The following PHF2 variants were observed in gnomAD, a reference collection of about 807,000 sequenced individuals.
PHF2 encodes lysine-specific demethylase PHF2.
Under a neutral mutation model 120.5 loss-of-function variants are expected in PHF2, and 27 were observed. That is an observed-to-expected ratio of 0.22 (90% CI 0.17 to 0.31). The LOEUF (loss-of-function observed/expected upper bound fraction) is 0.31, where lower values mean the gene tolerates loss of function less well. Ranked by LOEUF, PHF2 falls within the 10% of genes least tolerant of loss-of-function variation. The pLI, the probability that PHF2 is intolerant of heterozygous loss-of-function variation, is 1.00. For missense variants in PHF2, 1,024 were observed against 1,434.8 expected (o/e 0.71, Z 4.63); for synonymous variants, 568 against 592.5 (o/e 0.96, Z 0.60).
intron 17 of PHF2, among the ~76,000 whole-genome samples, chr9:93,668,156 A>G (rs1826716453): frequency 6.6e-6 from 1 of 152,230 alleles, no homozygotes; most frequent in African/African-American, 2.4e-5. Context: ...TTCATGTAAT[A>G]TTGATCAGAA....
intron 16 of PHF2, 81 bp downstream of exon 16, chr9:93,666,141 G>T: frequency 6.9e-7 from 1 of 1,458,570 alleles, no homozygotes; most frequent in East Asian, 2.3e-5. Context: ...GTGACTCCAG[G>T]GCGGTCTCTG....
chr9:93,612,251 A>G (rs77902674), intron 1 of PHF2, among the ~76,000 whole-genome samples: 17 of 152,338 alleles, frequency 1.1e-4, no homozygotes, highest in Admixed American at 1.1e-3. Context: ...CCACGTATCT[A>G]TGGGGAGAGG....
intron 1 of PHF2, among the ~76,000 whole-genome samples, chr9:93,607,441 T>A (rs1408948004): frequency 7.3e-4 from 2 of 2,728 alleles, no homozygotes; most frequent in African/African-American, 1.7e-3. Flanking sequence ...CCTGGCTAAT[T>A]TTTTTTTTTT....
intron 3 of PHF2, among the ~76,000 whole-genome samples, chr9:93,643,992 G>A (rs1351458372): frequency 1.3e-5 from 2 of 152,012 alleles, no homozygotes; most frequent in Non-Finnish European, 2.9e-5. Context: ...ATGGTGCCCT[G>A]AGCCTCCTGA....
chr9:93,639,575 C>A (rs1826143977), intron 3 of PHF2, among the ~76,000 whole-genome samples: 1 of 151,896 alleles, frequency 6.6e-6, no homozygotes, highest in African/African-American at 2.4e-5. Context: ...ATTTTTCTTA[C>A]CTAATTGCTC....
At position 93,660,483 on chromosome 9, in the gene PHF2, A is replaced by G; in HGVS notation, c.1621A>G (p.Thr541Ala). Residue 541 changes from threonine to alanine, a missense_variant, in exon 12 of 22, where the codon ACC (threonine) becomes GCC (alanine). By Grantham distance (58) the Thr-to-Ala change is moderately conservative (BLOSUM62 0). This residue lies in a region of PHF2 where 677 missense variants were observed against 857.4 expected (regional missense o/e 0.79). Transcript: ENST00000359246. The part of the protein sequence containing the change: ...GKKSRESASP[T>A]IPNLDLLEAH... The stretch of plus-strand genomic sequence containing the variant: ...GAAGTCCCGGGAGTCAGCCTCACCC[A>G]CCATCCCCAACCTGGACCTGCTCGA... The G allele has an allele frequency of 1.3e-6, 2 of 1,569,196 alleles. No homozygotes were observed. Among genetic ancestry groups the G allele is most frequent in the Non-Finnish European group, 1.7e-6 (2 of 1,160,290 alleles).
Position 93,624,364 on chromosome 9 carries a change from ATGG to A in PHF2, c.99-5603_99-5601del, listed in dbSNP as rs567353783. On this transcript the variant is annotated intron_variant, in intron 1 of 21. Transcript: ENST00000359246. ...TAATGATGGTGTAGCATTGTTGGTG[ATGG>A]TGATGAAAATGATGGTGATGAGGGT... is the stretch of plus-strand genomic sequence containing the variant. Among the ~76,000 whole-genome samples the A allele has an allele frequency of 1.9e-3, 291 of 151,856 alleles. 2 individuals are homozygous for A. The highest frequency in any genetic ancestry group is 6.7e-3 in the African/African-American group (276 of 41,346).
At chr9:93,621,164 G>A (rs1825819163) in intron 1 of PHF2, among the ~76,000 whole-genome samples, 1 of 152,238 alleles carries the variant, frequency 6.6e-6, no homozygotes, top group South Asian at 2.1e-4. Flanking sequence ...CCTGTGGAGG[G>A]TCTACTTCCT....
chr9:93,611,005 G>A (rs1199101190), intron 1 of PHF2, among the ~76,000 whole-genome samples: 12 of 152,166 alleles, frequency 7.9e-5, no homozygotes, highest in East Asian at 1.9e-4. Context: ...GTCTTCTTTC[G>A]GATACTGTGA....
chr9:93,656,004 T>C lies in PHF2; in HGVS notation c.1023T>C (p.Ser341=), dbSNP rs1826452936. ...CGGGACATTTCCTCCACAGCCTGAG[T>C]GTGGAGATGCAGATGAGGTAGTGCC... ...AFAGHFLHSL[S]VEMQMRAYEV... is the part of the protein sequence containing the mutation. The change falls in exon 8 of 22, where the codon AGT becomes AGC. Residue 341 remains serine (S), a synonymous_variant. Coordinates refer to ENST00000359246, the MANE Select transcript of PHF2 (RefSeq NM_005392.4). This position sits in a 1 kb window ranked among gnomAD's most constrained non-coding sequence, Gnocchi z 4.1. 1 of 1,612,272 alleles carries C rather than the reference T, an allele frequency of 6.2e-7. No individual in the cohort carries two copies. Among genetic ancestry groups the C allele is most frequent in the Non-Finnish European group, 8.5e-7 (1 of 1,179,492 alleles).
chr9:93,615,013 ATGATGG>A (rs1825701186), intron 1 of PHF2, among the ~76,000 whole-genome samples: 1 of 150,738 alleles, frequency 6.6e-6, no homozygotes, highest in African/African-American at 2.4e-5. Context: ...GATGATAGTA[ATGATGG>A]TGATGGTGAT....
At chr9:93,659,804 T>C (rs1455809804) in intron 11 of PHF2, among the ~76,000 whole-genome samples, 1 of 152,204 alleles carries the variant, frequency 6.6e-6, no homozygotes, top group Non-Finnish European at 1.5e-5. Flanking sequence ...GTCTGTGTCC[T>C]GGTGTGAGTG....
At chr9:93,578,332 C>G (rs1862872018) in intron 1 of PHF2, among the ~76,000 whole-genome samples, 1 of 152,158 alleles carries the variant, frequency 6.6e-6, no homozygotes, top group Non-Finnish European at 1.5e-5. Flanking sequence ...ACACCGGGCT[C>G]TGCCCAGAAC....
chr9:93,676,586 G>T lies in PHF2; in HGVS notation c.2833-8G>T. 6.3e-7 allele frequency: 1 copy of T among 1,586,092 alleles called. No homozygotes were observed. Among genetic ancestry groups the T allele is most frequent in the Non-Finnish European group, 8.6e-7 (1 of 1,162,246 alleles). On this transcript the variant is annotated splice_region_variant and splice_polypyrimidine_tract_variant and intron_variant, in intron 20 of 21. Coordinates refer to ENST00000359246, the MANE Select transcript of PHF2 (RefSeq NM_005392.4). ...CGTCTGAGGCTGCCCTGCATGTTTT[G>T]TTCAAAGGAGGAGCAGAAAAGCAAG...
chr9:93,591,044 C>G (rs532672961), intron 1 of PHF2, among the ~76,000 whole-genome samples: 7 of 152,340 alleles, frequency 4.6e-5, no homozygotes, highest in Admixed American at 4.6e-4. Context: ...ACTGCTGTGA[C>G]CCTCCGAGGG....
rs1197527782 is a variant in PHF2 at position 93,676,703 on chromosome 9, C to T, written c.2942C>T (p.Thr981Ile). The stretch of plus-strand genomic sequence containing the variant: ...TCTGCCGGCACCACCTCCACCTCCA[C>T]CACGCCAGCCTCTACCACCCCGGCC... The part of the protein sequence containing the change: ...SISAGTTSTS[T>I]TPASTTPAST... Residue 981 changes from threonine (T) to isoleucine (I), a missense_variant, in exon 21 of 22, where the codon ACC becomes ATC. By Grantham distance (89) the Thr-to-Ile change is moderately conservative. Around this residue, in one of 2 missense-constraint regions of PHF2, gnomAD observed 677 missense variants for 857.4 expected, o/e 0.79. Transcript: ENST00000359246. The T allele has an allele frequency of 1.3e-5, 21 of 1,563,434 alleles. No individual in the cohort carries two copies. Among genetic ancestry groups the T allele is most frequent in the Non-Finnish European group, 1.8e-5 (21 of 1,154,768 alleles).
chr9:93,664,871 C>T (rs1048453448), intron 14 of PHF2, among the ~76,000 whole-genome samples: 1 of 152,246 alleles, frequency 6.6e-6, no homozygotes, highest in Admixed American at 6.5e-5. Context: ...GCAGCGGGCT[C>T]GCCGCCCCTT....
At position 93,656,577 on chromosome 9, in the gene PHF2, C is replaced by T; in HGVS notation, c.1129C>T (p.Leu377=). 1.2e-6 allele frequency: 2 copies of T among 1,612,974 alleles called. No individual in the cohort carries two copies. The highest frequency in any genetic ancestry group is 1.7e-6 in the Non-Finnish European group (2 of 1,179,196). The change falls in exon 9 of 22, where the codon CTG becomes TTG. Residue 377 remains leucine (L), a synonymous_variant. Transcript: ENST00000359246. The surrounding 1 kb of genome is among the most constrained non-coding windows in gnomAD (Gnocchi z 4.1). The part of the protein sequence containing the change: ...ETACWYMGKH[L]LEAFKGSHKS... ...TGCGTGCTGGTACATGGGGAAGCAC[C>T]TGCTGGAGGCATTCAAAGGTACTGG...
At chr9:93,657,383 G>C (rs1826479933) in intron 9 of PHF2, among the ~76,000 whole-genome samples, 1 of 152,158 alleles carries the variant, frequency 6.6e-6, no homozygotes, top group Non-Finnish European at 1.5e-5. Context: ...CCCAAATCTG[G>C]AGCCCTGAGC....
Sources: gnomAD v4.1 joint callset for allele counts (sites outside exome capture counted in the v4.1 genomes callset) on GRCh38, gnomAD v4.1.1 for gene constraint, gnomAD v4.1.1 regional missense constraint, Gnocchi (gnomAD v3.1) non-coding constraint, MANE v1.5 for transcripts, NCBI Gene and HGNC (gene_info 2026-07-23, HGNC 2026-07-21) for gene names.